LRBA: variants seen among roughly 807,000 people sequenced by gnomAD.
LRBA encodes LPS responsive beige-like anchor protein, also known as lipopolysaccharide-responsive and beige-like anchor protein.
In LRBA, 176 loss-of-function variants were observed where a neutral mutation model predicts 330.0. That is an observed-to-expected ratio of 0.53 (90% CI 0.47 to 0.60). LRBA has a LOEUF of 0.60. LRBA is among the 20% of genes least tolerant of loss of function. LRBA has a pLI of 0.00. For missense variants in LRBA, 3,259 were observed against 3,444.8 expected, an observed-to-expected ratio of 0.95 and a Z score of 1.35; for synonymous variants, 1,230 against 1,193.0, an observed-to-expected ratio of 1.03 and a Z score of -0.64.
In LRBA at chr4:150,754,521, C is replaced by CAAAAAA. The variant is rs755838647; in HGVS notation, c.5645+7256_5645+7261dup. ...GTGACAGAACAAGACCCTGTCTCAC[C>CAAAAAA]AAAAAAAAAAAAAAAAAAAAAGAGA... On this transcript the variant is annotated intron_variant, in intron 35 of 56. Transcript: ENST00000651943. Among the ~76,000 whole-genome samples, 6 of 86,060 alleles carry CAAAAAA rather than the reference C, an allele frequency of 7.0e-5. 1 individual carries two copies. Among genetic ancestry groups the CAAAAAA allele is most frequent in the African/African-American group, 1.0e-4 (2 of 19,470 alleles). 56.5% of individuals were successfully genotyped at this position (86,060 alleles called of 152,430 possible).
In LRBA at chr4:150,500,556, C is replaced by A. The variant is rs117264372; in HGVS notation, c.6331-9521G>T. Among the ~76,000 whole-genome samples the A allele has an allele frequency of 1.2e-3, 188 of 152,142 alleles. 4 individuals are homozygous for A. The East Asian group carries it at 0.034, about 27-fold the overall frequency. On this transcript the variant is annotated intron_variant, in intron 40 of 56. Transcript: ENST00000651943. ...TCGGACTACTGCACTCCAGCCTGGG[C>A]AGCAAGAGCGAGACTCTGTCTCTAA... is the stretch of plus-strand genomic sequence containing the variant.
intron 47 of LRBA, among the ~76,000 whole-genome samples, chr4:150,360,716 G>C (rs1159014012): frequency 6.6e-6 from 1 of 152,184 alleles, no homozygotes; most frequent in Non-Finnish European, 1.5e-5. Flanking sequence ...ATGCAGTTTT[G>C]AAGAGGCCAT....
In LRBA at chr4:150,618,114, C is replaced by CA. The variant is rs1026170321; in HGVS notation, c.5922-18984dup. 6.2e-3 allele frequency among the ~76,000 whole-genome samples: 900 copies of CA among 146,250 alleles called. 8 individuals are homozygous for CA. Among genetic ancestry groups the CA allele is most frequent in the African/African-American group, 0.021 (836 of 39,990 alleles). On this transcript the variant is annotated intron_variant, in intron 37 of 56. Transcript: ENST00000651943. ...GAGCAGAGCAAGATCCTGTCTCAAACAAAAAAAAAAGAACTCTTAGATTCT... is the reference window on the plus strand; with the variant it reads ...GAGCAGAGCAAGATCCTGTCTCAAACAAAAAAAAAAAGAACTCTTAGATTCT...
intron 37 of LRBA, among the ~76,000 whole-genome samples, chr4:150,639,764 T>C (rs1380965372): frequency 5.0e-4 from 2 of 3,964 alleles, no homozygotes; most frequent in African/African-American, 1.0e-3. Flanking sequence ...TATATATATA[T>C]ATATATATAT....
chr4:150,906,309 ATATCC>A lies in LRBA; in HGVS notation c.1585_1589del (p.Gly529Ter). 1 of 1,589,276 alleles carries A rather than the reference ATATCC, an allele frequency of 6.3e-7. No individual in the cohort carries two copies. Among genetic ancestry groups the A allele is most frequent in the Non-Finnish European group, 8.6e-7 (1 of 1,158,262 alleles). On this transcript the variant is annotated frameshift_variant, in exon 12 of 57. Transcript: ENST00000651943. LOFTEE classifies it high-confidence loss of function. ...TTTCATACTTTACCTTTTCAAGGCT[ATATCC>A]TATTACCAAGAAGCCCTTACAGGCA...
At chr4:150,611,504 T>C (rs1775258105) in intron 37 of LRBA, among the ~76,000 whole-genome samples, 2 of 152,172 alleles carry the variant, frequency 1.3e-5, no homozygotes, top group African/African-American at 2.4e-5. Context: ...AGTTTAAATA[T>C]CTCTTTCATA....
intron 52 of LRBA, among the ~76,000 whole-genome samples, 164 bp from the exon 53 acceptor site, chr4:150,302,956 A>C (rs1056420306): frequency 1.3e-5 from 2 of 152,218 alleles, no homozygotes; most frequent in African/African-American, 4.8e-5. Flanking sequence ...TTGCATGCTA[A>C]CAAGAACAAC....
rs968094864 is a variant in LRBA at position 150,938,643 on chromosome 4, A to G, written c.217-9578T>C. Among the ~76,000 whole-genome samples, 4 of 152,270 alleles carry G rather than the reference A, an allele frequency of 2.6e-5. No homozygotes were observed. The East Asian group carries it at 7.7e-4, about 29-fold the overall frequency. On this transcript the variant is annotated intron_variant, in intron 2 of 56. Transcript: ENST00000651943. ...AGAAACCTGACCCCTTTTTCCAGCT[A>G]CGCTCCTTCCTACTGCTTAAGATGC...
intron 53 of LRBA, among the ~76,000 whole-genome samples, chr4:150,298,097 T>C (rs67227188): frequency 0.2 from 29,868 of 152,132 alleles, 3,130 homozygotes; most frequent in East Asian, 0.26. Flanking sequence ...GAGAGTAATA[T>C]TGTTTATATT....
intron 44 of LRBA, among the ~76,000 whole-genome samples, chr4:150,443,873 T>TATATATATATA (rs1491391084): frequency 0.047 from 858 of 18,152 alleles, 2 homozygotes; most frequent in Non-Finnish European, 0.07. Context: ...TATATATATA[T>TATATATATATA]TTTTTTTTTT....
intron 37 of LRBA, among the ~76,000 whole-genome samples, chr4:150,663,564 GAA>G (rs1006450901): frequency 1.4e-5 from 2 of 147,746 alleles, no homozygotes; most frequent in East Asian, 3.9e-4. Context: ...AAAAAAAAAA[GAA>G]GAGAAAAAAT....
At chr4:150,509,137 TATTA>T (rs1561282182) in intron 40 of LRBA, among the ~76,000 whole-genome samples, 1 of 152,174 alleles carries the variant, frequency 6.6e-6, no homozygotes, top group African/African-American at 2.4e-5. Context: ...TTAATGAATA[TATTA>T]ATTAGCCAGA....
intron 48 of LRBA, among the ~76,000 whole-genome samples, chr4:150,340,914 T>C (rs1735448057): frequency 6.6e-6 from 1 of 152,072 alleles, no homozygotes; most frequent in Non-Finnish European, 1.5e-5. Context: ...GGCCAGATCA[T>C]GTGAGTCAAG....
chr4:150,803,915 T>C (rs992228415), intron 33 of LRBA, among the ~76,000 whole-genome samples: 1 of 152,138 alleles, frequency 6.6e-6, no homozygotes, highest in Non-Finnish European at 1.5e-5. Context: ...CTTCTGGGTA[T>C]TTAACATGAT....
chr4:150,588,435 G>A (rs1016354105), intron 39 of LRBA, among the ~76,000 whole-genome samples: 2 of 152,102 alleles, frequency 1.3e-5, no homozygotes, highest in Non-Finnish European at 2.9e-5. Context: ...TATTTTACAG[G>A]GAGTCTGCAA....
chr4:150,598,521 C>T (rs1410961787), intron 38 of LRBA, among the ~76,000 whole-genome samples: 1 of 152,130 alleles, frequency 6.6e-6, no homozygotes, highest in African/African-American at 2.4e-5. Context: ...TAACCATCTT[C>T]AAATCAAGGC....
chr4:150,291,283 G>A (rs1293842088), intron 53 of LRBA, among the ~76,000 whole-genome samples: 1 of 128,072 alleles, frequency 7.8e-6, no homozygotes, highest in Non-Finnish European at 1.6e-5. Context: ...GAGTGAACAG[G>A]CAACCTACAA....
chr4:150,865,693 G>A (rs1410547101), intron 22 of LRBA, among the ~76,000 whole-genome samples: 2 of 150,172 alleles, frequency 1.3e-5, no homozygotes, highest in African/African-American at 4.9e-5. Context: ...CTAGAAACAT[G>A]TAATTAGGAA....
chr4:150,614,349 T>C (rs530834876), intron 37 of LRBA, among the ~76,000 whole-genome samples: 51 of 152,166 alleles, frequency 3.4e-4, no homozygotes, highest in African/African-American at 1.2e-3. Context: ...AATTAGACTA[T>C]AGGGAAGAAA....
Sources: allele counts gnomAD v4.1 joint callset (sites outside exome capture counted in the v4.1 genomes callset), GRCh38; gene constraint gnomAD v4.1.1; transcripts MANE v1.5; gene names NCBI Gene and HGNC (gene_info 2026-07-23, HGNC 2026-07-21).